The following MAPK10 variants were observed in gnomAD, a reference collection of about 807,000 sequenced individuals.
MAPK10 encodes the protein JNK3 alpha protein kinase.
A neutral mutation model predicts 59.3 loss-of-function variants in MAPK10; 25 were observed. The observed-to-expected ratio is 0.42, with a 90% CI of 0.31 to 0.59. The LOEUF is 0.59. Among genes scored for constraint, MAPK10 ranks in the 20% least tolerant of loss-of-function variants. The pLI, the probability that MAPK10 is intolerant of heterozygous loss-of-function variation, is 0.15. For missense variants in MAPK10, 351 were observed against 568.9 expected (o/e 0.62, Z 3.90); for synonymous variants, 190 against 200.5 (o/e 0.95, Z 0.44).
At chr4:86,202,474 G>A (rs1347611719) in intron 2 of MAPK10, among the ~76,000 whole-genome samples, 1 of 151,890 alleles carries the variant, frequency 6.6e-6, no homozygotes, top group Non-Finnish European at 1.5e-5. Flanking sequence ...TATAGATAAT[G>A]TTGAGAAAAT....
At chr4:86,214,046 T>C (rs2086638981) in intron 2 of MAPK10, among the ~76,000 whole-genome samples, 1 of 152,082 alleles carries the variant, frequency 6.6e-6, no homozygotes, top group Non-Finnish European at 1.5e-5. Flanking sequence ...CCAAGTGAGA[T>C]TTATTGCTAG....
chr4:86,247,255 C>G (rs2093156329), intron 2 of MAPK10, among the ~76,000 whole-genome samples: 1 of 152,190 alleles, frequency 6.6e-6, no homozygotes. Context: ...CAGCTTGAAT[C>G]AGGGTATCAC....
intron 2 of MAPK10, among the ~76,000 whole-genome samples, chr4:86,284,216 A>G (rs1461277572): frequency 1.3e-5 from 2 of 152,210 alleles, no homozygotes; most frequent in African/African-American, 4.8e-5. Flanking sequence ...CCATTTTACA[A>G]ATAAAAAAAC....
chr4:86,527,339 A>AAAAAAAAAAAAAAAAAT (rs1757540703), intron 1 of MAPK10, among the ~76,000 whole-genome samples: 1 of 148,386 alleles, frequency 6.7e-6, no homozygotes, highest in Non-Finnish European at 1.5e-5. Flanking sequence ...AAAAAAAAAA[A>AAAAAAAAAAAAAAAAAT]AGTAGGCAAA....
intron 2 of MAPK10, among the ~76,000 whole-genome samples, chr4:86,196,866 T>G (rs1582556318): frequency 6.6e-6 from 1 of 152,158 alleles, no homozygotes; most frequent in African/African-American, 2.4e-5. Context: ...AATCAGATGG[T>G]TGTAGATGTG....
At chr4:86,181,194 A>C (rs1401372074) in intron 3 of MAPK10, among the ~76,000 whole-genome samples, 1 of 152,120 alleles carries the variant, frequency 6.6e-6, no homozygotes, top group East Asian at 1.9e-4. Flanking sequence ...AAAAATTACC[A>C]AAAACTCTTA....
chr4:86,250,762 T>C (rs1357447027), intron 2 of MAPK10, among the ~76,000 whole-genome samples: 1 of 152,144 alleles, frequency 6.6e-6, no homozygotes, highest in East Asian at 1.9e-4. Context: ...TCCTTAACAA[T>C]GTACTACTGT....
At chr4:86,142,671 A>G (rs1172199168) in intron 4 of MAPK10, among the ~76,000 whole-genome samples, 4 of 152,222 alleles carry the variant, frequency 2.6e-5, no homozygotes, top group Non-Finnish European at 5.9e-5. Flanking sequence ...ATCAAGAAGT[A>G]AAACCCACAC....
At chr4:86,487,377 G>GTGTT (rs1754082342) in intron 1 of MAPK10, among the ~76,000 whole-genome samples, 1 of 150,942 alleles carries the variant, frequency 6.6e-6, no homozygotes, top group South Asian at 2.1e-4. Flanking sequence ...GTGTGTGTGT[G>GTGTT]TGTGTGTAGA....
intron 2 of MAPK10, chr4:86,220,052 A>T (rs2089070811): frequency 6.6e-6 from 1 of 152,228 alleles, no homozygotes; most frequent in South Asian, 2.1e-4. Flanking sequence ...TAAGTAAGTT[A>T]TGATACATTG....
chr4:86,257,827 T>C (rs935870908), intron 2 of MAPK10, among the ~76,000 whole-genome samples: 4 of 152,142 alleles, frequency 2.6e-5, no homozygotes, highest in African/African-American at 9.7e-5. Flanking sequence ...TGTTCCCAAT[T>C]CATCAGTCCA....
chr4:86,563,490 G>A (rs1179068416), intron 1 of MAPK10, among the ~76,000 whole-genome samples: 1 of 152,114 alleles, frequency 6.6e-6, no homozygotes, highest in African/African-American at 2.4e-5. Flanking sequence ...ATGGGATGAA[G>A]TATCTGTTTA....
chr4:86,461,605 C>T (rs971437784), intron 1 of MAPK10, among the ~76,000 whole-genome samples: 20 of 152,080 alleles, frequency 1.3e-4, no homozygotes, highest in African/African-American at 4.8e-4. Context: ...ATCTTGGAAC[C>T]TTTTCACACT....
At chr4:86,386,284 C>A (rs1741454972) in intron 1 of MAPK10, among the ~76,000 whole-genome samples, 1 of 152,212 alleles carries the variant, frequency 6.6e-6, no homozygotes, top group Admixed American at 6.5e-5. Context: ...ACTCACTCTT[C>A]CCTGGGGAAG....
chr4:86,050,934 G>C (rs1049782996), intron 11 of MAPK10, among the ~76,000 whole-genome samples: 2 of 152,114 alleles, frequency 1.3e-5, no homozygotes, highest in Non-Finnish European at 2.9e-5. Context: ...TTGAGGGTTA[G>C]CTAATTTATC....
chr4:86,443,100 T>C (rs1749604412), intron 1 of MAPK10, among the ~76,000 whole-genome samples: 2 of 152,142 alleles, frequency 1.3e-5, no homozygotes, highest in Admixed American at 1.3e-4. Flanking sequence ...TAAATTAGAA[T>C]TGAGGAATTG....
intron 1 of MAPK10, among the ~76,000 whole-genome samples, chr4:86,576,785 A>G (rs1372624225): frequency 6.6e-6 from 1 of 151,850 alleles, no homozygotes; most frequent in East Asian, 1.9e-4. Flanking sequence ...AAAAAAAAAA[A>G]ACAAAAAACC....
intron 1 of MAPK10, among the ~76,000 whole-genome samples, chr4:86,423,983 T>C (rs1746923612): frequency 6.6e-6 from 1 of 151,898 alleles, no homozygotes; most frequent in African/African-American, 2.4e-5. Context: ...GAGATTATTA[T>C]AATATTCATA....
chr4:86,277,050 T>C (rs12640392), intron 2 of MAPK10: 16,679 of 152,150 alleles, frequency 0.11, 951 homozygotes, highest in Middle Eastern at 0.13. Context: ...GTCCTCTTAC[T>C]TGTCTCTGAG....
Sources: gnomAD v4.1 joint callset for allele counts (sites outside exome capture counted in the v4.1 genomes callset) on GRCh38, gnomAD v4.1.1 for gene constraint, MANE v1.5 for transcripts, NCBI Gene and HGNC (gene_info 2026-07-23, HGNC 2026-07-21) for gene names.